FRMD4B: variants seen among roughly 807,000 people sequenced by gnomAD.
FRMD4B encodes FERM domain containing 4B.
FRMD4B carries 74 observed loss-of-function variants against 141.5 expected under a neutral mutation model. The ratio of observed to expected loss-of-function variants is 0.52; its 90% CI spans 0.43 to 0.63. FRMD4B has a LOEUF of 0.63. Among genes scored for constraint, FRMD4B ranks in the 30% least tolerant of loss-of-function variants. The pLI is 0.00. For missense variants in FRMD4B, 1,366 were observed against 1,253.4 expected (o/e 1.09, Z -1.36); for synonymous variants, 506 against 467.9 (o/e 1.08, Z -1.05).
chr3:69,197,152 C>T, intron 12 of FRMD4B, 114 bp from the exon 13 acceptor site: 1 of 763,258 alleles, frequency 1.3e-6, no homozygotes, highest in Non-Finnish European at 2.0e-6. Flanking sequence ...TCTTCTGTTG[C>T]AAAAACTCTT....
chr3:69,187,717 G>A (rs1363555921), intron 19 of FRMD4B, 53 bp downstream of exon 19: 2 of 1,539,214 alleles, frequency 1.3e-6, no homozygotes, highest in South Asian at 2.4e-5. Context: ...CATTTTGGAG[G>A]AAAAATTTCC....
In FRMD4B at chr3:69,176,623, G is replaced by A; in HGVS notation, c.2885C>T (p.Thr962Ile). 1.9e-6 allele frequency: 3 copies of A among 1,600,696 alleles called. No individual in the cohort carries two copies. Among genetic ancestry groups the A allele is most frequent in the Admixed American group, 3.3e-5 (2 of 59,978 alleles). The change falls in exon 22 of 23, where the codon ACC (threonine) becomes ATC (isoleucine). Residue 962 changes from threonine (T) to isoleucine (I), a missense_variant. Thr to Ile is a moderately conservative substitution (Grantham distance 89, BLOSUM62 -1). Coordinates refer to ENST00000398540, the MANE Select transcript of FRMD4B (RefSeq NM_015123.3). ...SSTNASGNWR[T>I]QLTIGLSDYE... is the part of the protein sequence containing the mutation. ...ATCCGACAGCCCTATGGTTAACTGG[G>A]TCCTCCAGTTCCCAGAAGCATTTGT... is the stretch of plus-strand genomic sequence containing the variant.
At chr3:69,354,434 C>G (rs1245971809) in intron 1 of FRMD4B, among the ~76,000 whole-genome samples, 2 of 152,072 alleles carry the variant, frequency 1.3e-5, no homozygotes, top group Non-Finnish European at 2.9e-5. Flanking sequence ...GAATTTTGCT[C>G]AGGAGTATGG....
At chr3:69,355,430 G>C (rs1430222936) in intron 1 of FRMD4B, among the ~76,000 whole-genome samples, 2 of 152,176 alleles carry the variant, frequency 1.3e-5, no homozygotes, top group Non-Finnish European at 2.9e-5. Flanking sequence ...CCTTCTATTT[G>C]TTAATATATA....
At chr3:69,347,467 C>G (rs1702985626) in intron 1 of FRMD4B, among the ~76,000 whole-genome samples, 1 of 152,198 alleles carries the variant, frequency 6.6e-6, no homozygotes, top group African/African-American at 2.4e-5. Context: ...GAATTCAGCT[C>G]TGCACCAAGT....
chr3:69,284,740 C>A (rs1191145794), intron 5 of FRMD4B, among the ~76,000 whole-genome samples: 1 of 152,116 alleles, frequency 6.6e-6, no homozygotes, highest in Admixed American at 6.6e-5. Flanking sequence ...ATACCCGGAA[C>A]TGACACAGAC....
At position 69,467,677 on chromosome 3, in the gene FRMD4B, A is replaced by T. The variant is rs183384748; in HGVS notation, c.-128-34916T>A. Among the ~76,000 whole-genome samples the T allele has an allele frequency of 3.3e-5, 5 of 152,328 alleles. No homozygotes were observed. The East Asian group carries it at 7.7e-4, about 24-fold the overall frequency. ...AGAAATAAATGACATAATCACAACC[A>T]TAGTGTCTCAGCTCTTCTCAATCCT... On this transcript the variant is annotated intron_variant, in intron 1 of 5. Coordinates refer to the FRMD4B transcript ENST00000459638.
upstream of FRMD4B, among the ~76,000 whole-genome samples, chr3:69,389,267 G>C (rs541622897): frequency 6.6e-6 from 1 of 152,016 alleles, no homozygotes. Context: ...TCCTGAACTC[G>C]TGATCCTCCC....
intron 2 of FRMD4B, among the ~76,000 whole-genome samples, chr3:69,410,097 A>C (rs1164075681): frequency 1.3e-5 from 2 of 152,206 alleles, no homozygotes; most frequent in Non-Finnish European, 2.9e-5. Context: ...TTCCTAGTGC[A>C]CAGAACAGAC....
At chr3:69,427,217 C>T (rs988913728) in intron 2 of FRMD4B, among the ~76,000 whole-genome samples, 2 of 149,974 alleles carry the variant, frequency 1.3e-5, no homozygotes, top group Non-Finnish European at 3.0e-5. Flanking sequence ...GGGAGAAGGG[C>T]TCTGTGGTAA....
intron 1 of FRMD4B, among the ~76,000 whole-genome samples, chr3:69,347,143 G>A (rs1299961023): frequency 2.0e-5 from 3 of 152,200 alleles, no homozygotes; most frequent in East Asian, 1.9e-4. Flanking sequence ...GAAGGTCTAC[G>A]AAGCAAATGG....
Position 69,176,581 on chromosome 3 carries a change from T to C in FRMD4B, c.2927A>G (p.His976Arg). The C allele has an allele frequency of 6.2e-7, 1 of 1,610,268 alleles. No homozygotes were observed. Among genetic ancestry groups the C allele is most frequent in the East Asian group, 2.2e-5 (1 of 44,864 alleles). ...IGLSDYETPA[H>R]SSYTSCYGNV... is the part of the protein sequence containing the mutation. ...GCCATAGCAGCTGGTGTAAGAAGAA[T>C]GTGCTGGAGTCTCGTAATCCGACAG... The change falls in exon 22 of 23, where the codon CAT becomes CGT. Residue 976 changes from histidine (H) to arginine (R), a missense_variant. Transcript: ENST00000398540.
At chr3:69,287,644 CTTT>C in intron 5 of FRMD4B, 105 bp downstream of exon 5, 4 of 534,756 alleles carry the variant, frequency 7.5e-6, no homozygotes, top group Admixed American at 3.0e-5. Flanking sequence ...AGATTGTGGC[CTTT>C]TTTTTTTTCT....
rs1248410771 is a variant in FRMD4B, at chr3:69,195,426, G to C, written c.1235-62C>G. ...AGGGATGTTTCCTTCCTTTCTAAGGGACAAAGGATTTTTAAGCTAAAGCTG... is the reference window on the plus strand; with the variant it reads ...AGGGATGTTTCCTTCCTTTCTAAGGCACAAAGGATTTTTAAGCTAAAGCTG... On this transcript the variant is annotated intron_variant, in intron 14 of 22. Coordinates refer to ENST00000398540, the MANE Select transcript of FRMD4B (RefSeq NM_015123.3). 10 of 1,384,072 alleles carry C rather than the reference G, an allele frequency of 7.2e-6. No homozygotes were observed. In the Admixed American group the frequency reaches 2.4e-4, roughly 33 times the overall value. The allele number at this position is 1,384,072 out of a possible 1,614,324, so 85.7% of individuals were successfully genotyped here. A position where few individuals can be genotyped will look rare whatever the true frequency, so the allele number is the denominator to read the frequency against.
At chr3:69,180,246 CAAAAAAAAAAAAAAA>C (rs71115658) in intron 21 of FRMD4B, among the ~76,000 whole-genome samples, 1 of 101,052 alleles carries the variant, frequency 9.9e-6, no homozygotes, top group Non-Finnish European at 2.0e-5. Flanking sequence ...CTTGTTTCTA[CAAAAAAAAAAAAAAA>C]AAAAAAAAAG....
At chr3:69,336,560 C>A (rs1247125966) in intron 1 of FRMD4B, 1 of 152,312 alleles carries the variant, frequency 6.6e-6, no homozygotes. Flanking sequence ...GAGAAATAAT[C>A]CAAAAGGCTT....
chr3:69,434,444 T>C (rs1215798172), intron 1 of FRMD4B, among the ~76,000 whole-genome samples: 2 of 152,224 alleles, frequency 1.3e-5, no homozygotes. Context: ...AACTGGTTAG[T>C]TCTCAGATTC....
chr3:69,294,140 C>A (rs1338907913), intron 4 of FRMD4B, among the ~76,000 whole-genome samples: 2 of 152,152 alleles, frequency 1.3e-5, no homozygotes, highest in African/African-American at 4.8e-5. Flanking sequence ...GCATTCTGAA[C>A]AATGCTGAGT....
intron 8 of FRMD4B, 40 bp from the exon 9 acceptor site, chr3:69,221,963 T>C: frequency 9.7e-7 from 1 of 1,028,838 alleles, no homozygotes; most frequent in Non-Finnish European, 1.5e-6. Context: ...AATGCATGAT[T>C]ATCTGAGGTA....
Sources: gnomAD v4.1 joint callset for allele counts (sites outside exome capture counted in the v4.1 genomes callset) on GRCh38, gnomAD v4.1.1 for gene constraint, MANE v1.5 for transcripts, NCBI Gene and HGNC (gene_info 2026-07-23, HGNC 2026-07-21) for gene names.